ANKRD42: variants seen among roughly 807,000 people sequenced by gnomAD.
ANKRD42 encodes ankyrin repeat domain 42.
A neutral mutation model predicts 51.5 loss-of-function variants in ANKRD42; 43 were observed. That is an observed-to-expected ratio of 0.83 (90% CI 0.65 to 1.08). The LOEUF (loss-of-function observed/expected upper bound fraction) is 1.08. ANKRD42 is among the 50% of genes least tolerant of loss of function. The pLI is 0.00. For synonymous variants in ANKRD42, 203 were observed against 213.0 expected, an observed-to-expected ratio of 0.95 and a Z score of 0.41; for missense variants, 608 against 629.3, an observed-to-expected ratio of 0.97 and a Z score of 0.36.
At chr11:83,239,644 A>G (rs1863328912) in intron 8 of ANKRD42, among the ~76,000 whole-genome samples, 2 of 125,534 alleles carry the variant, frequency 1.6e-5, no homozygotes, top group African/African-American at 6.6e-5. Flanking sequence ...TTAAAAGACT[A>G]TCCTTTCTCC....
At chr11:83,236,171 G>A (rs117881433) in intron 7 of ANKRD42, among the ~76,000 whole-genome samples, 159 of 152,200 alleles carry the variant, frequency 1.0e-3, no homozygotes, top group Non-Finnish European at 2.0e-3. Flanking sequence ...TTTTATATCC[G>A]TGTGTAAAAT....
intron 5 of ANKRD42, chr11:83,214,478 A>G (rs1862452324): frequency 1.0e-6 from 1 of 978,964 alleles, no homozygotes; most frequent in Non-Finnish European, 1.2e-6. Context: ...TTAAACATGT[A>G]TGATTATTTT....
At chr11:83,230,129 G>A (rs554969729) in intron 7 of ANKRD42, among the ~76,000 whole-genome samples, 1 of 152,264 alleles carries the variant, frequency 6.6e-6, no homozygotes, top group Admixed American at 6.5e-5. Flanking sequence ...ACGACTAACT[G>A]CAGCCTTGAC....
chr11:83,248,992 C>G (rs370135339), downstream of ANKRD42: 17 of 982,874 alleles, frequency 1.7e-5, no homozygotes, highest in Non-Finnish European at 1.8e-5. Context: ...CTTCATTTTG[C>G]AACCCTCTTC....
chr11:83,218,380 T>C (rs1404794711), intron 5 of ANKRD42, among the ~76,000 whole-genome samples: 1 of 152,174 alleles, frequency 6.6e-6, no homozygotes, highest in Non-Finnish European at 1.5e-5. Flanking sequence ...CTGGCTGAGA[T>C]ACCATAAATG....
chr11:83,242,720 C>G (rs533338414), intron 9 of ANKRD42, among the ~76,000 whole-genome samples: 1 of 152,076 alleles, frequency 6.6e-6, no homozygotes, highest in South Asian at 2.1e-4. Flanking sequence ...CACGTGCCAC[C>G]ACAGCCAGCT....
rs1019091326 is a variant in ANKRD42, at chr11:83,210,401, A to G, written c.432A>G (p.Ile144Met). ...ATHGHSFTLQ[I>M]MLRSGVDPSV... ...ATGGACATTCTTTCACTTTACAAATAATGCTCCGAAGTGGAGTGGTGAGTG... is the reference window on the plus strand; with the variant it reads ...ATGGACATTCTTTCACTTTACAAATGATGCTCCGAAGTGGAGTGGTGAGTG... The change falls in exon 4 of 11, where the codon ATA (isoleucine) becomes ATG (methionine). Residue 144 changes from isoleucine to methionine, a missense_variant. Transcript: ENST00000533342. 1.2e-6 allele frequency: 2 copies of G among 1,613,994 alleles called. No individual in the cohort carries two copies. The highest frequency in any genetic ancestry group is 1.3e-5 in the African/African-American group (1 of 75,050).
downstream of ANKRD42, among the ~76,000 whole-genome samples, chr11:83,256,549 A>AC (rs1282729163): frequency 2.6e-5 from 4 of 151,270 alleles, no homozygotes; most frequent in Admixed American, 6.6e-5. Flanking sequence ...CTTTTTTCCT[A>AC]CCCCCCTCTC....
intron 2 of ANKRD42, 63 bp downstream of exon 2, chr11:83,198,705 A>G: frequency 1.4e-6 from 2 of 1,452,428 alleles, no homozygotes; most frequent in Non-Finnish European, 1.9e-6. Context: ...TTGTAAATTT[A>G]GCAAACAGGG....
exon 12 of ANKRD42, chr11:83,256,052 T>A: frequency 1.5e-6 from 1 of 679,078 alleles, no homozygotes; most frequent in South Asian, 2.4e-5. Context: ...GTTCCAATTC[T>A]GATGGCAGAA....
downstream of ANKRD42, among the ~76,000 whole-genome samples, chr11:83,257,018 T>G (rs1863785872): frequency 6.6e-6 from 1 of 152,136 alleles, no homozygotes; most frequent in South Asian, 2.1e-4. Context: ...CAATAAATGT[T>G]GACAACTGTT....
chr11:83,205,327 A>T (rs1565177314), intron 2 of ANKRD42, among the ~76,000 whole-genome samples: 1 of 152,210 alleles, frequency 6.6e-6, no homozygotes, highest in South Asian at 2.1e-4. Context: ...TTTTATTGTC[A>T]TTAGTCTCTG....
chr11:83,245,199 G>T (rs1407009554), intron 9 of ANKRD42, among the ~76,000 whole-genome samples: 1 of 152,172 alleles, frequency 6.6e-6, no homozygotes, highest in Non-Finnish European at 1.5e-5. Context: ...CGCCATGCCT[G>T]GTCAATACTG....
At chr11:83,228,583 A>C (rs1194064784) in intron 7 of ANKRD42, among the ~76,000 whole-genome samples, 1 of 152,138 alleles carries the variant, frequency 6.6e-6, no homozygotes, top group Non-Finnish European at 1.5e-5. Flanking sequence ...TAGGCTTATT[A>C]ATATAATCGT....
At chr11:83,234,655 G>T (rs642373) in intron 7 of ANKRD42, among the ~76,000 whole-genome samples, 48 of 151,904 alleles carry the variant, frequency 3.2e-4, no homozygotes, top group Non-Finnish European at 5.9e-4. Context: ...ATTCTGTCTC[G>T]TAAAATTCAG....
chr11:83,225,220 A>G (rs554502), intron 6 of ANKRD42, among the ~76,000 whole-genome samples, 165 bp downstream of exon 6: 48,959 of 152,054 alleles, frequency 0.32, 8,567 homozygotes, highest in South Asian at 0.4. Flanking sequence ...AATTTATTAC[A>G]TATCGTTGTC....
At chr11:83,208,803 C>T (rs919979106) in intron 3 of ANKRD42, among the ~76,000 whole-genome samples, 4 of 152,086 alleles carry the variant, frequency 2.6e-5, no homozygotes, top group Admixed American at 2.6e-4. Flanking sequence ...AGAGAGGGCC[C>T]AGGCAGTTGA....
intron 6 of ANKRD42, among the ~76,000 whole-genome samples, chr11:83,226,096 T>A (rs573880507): frequency 7.2e-5 from 11 of 152,314 alleles, no homozygotes; most frequent in African/African-American, 2.4e-4. Flanking sequence ...TATTGTTGTA[T>A]TGTTATTTTT....
intron 5 of ANKRD42, chr11:83,214,338 C>A: frequency 4.3e-6 from 3 of 698,086 alleles, no homozygotes; most frequent in Non-Finnish European, 5.3e-6. Context: ...TATTCCCAAT[C>A]CTCCTAGAAC....
Sources: allele counts gnomAD v4.1 joint callset (sites outside exome capture counted in the v4.1 genomes callset), GRCh38; gene constraint gnomAD v4.1.1; transcripts MANE v1.5; gene names NCBI Gene and HGNC (gene_info 2026-07-23, HGNC 2026-07-21).